The following LHFPL3 variants were observed in gnomAD, a reference collection of about 807,000 sequenced individuals.
LHFPL3 encodes LHFPL tetraspan subfamily member 3 protein.
Under a neutral mutation model 19.3 loss-of-function variants are expected in LHFPL3, and 5 were observed. That is an observed-to-expected ratio of 0.26 (90% CI 0.14 to 0.54). The LOEUF is 0.54. LHFPL3 is among the 20% of genes least tolerant of loss of function. The pLI is 0.94. For missense variants in LHFPL3, 249 were observed against 307.4 expected (o/e 0.81, Z 1.42); for synonymous variants, 133 against 126.2 (o/e 1.05, Z -0.36).
intron 1 of LHFPL3, among the ~76,000 whole-genome samples, chr7:104,667,265 G>GTGGC (rs1554422208): frequency 1.2e-4 from 6 of 52,090 alleles, no homozygotes; most frequent in Admixed American, 8.5e-4. Context: ...CTGTTTTCTT[G>GTGGC]GGGGGGGGAA....
At chr7:104,380,264 A>G (rs1790802269) in intron 1 of LHFPL3, among the ~76,000 whole-genome samples, 1 of 152,200 alleles carries the variant, frequency 6.6e-6, no homozygotes, top group African/African-American at 2.4e-5. Context: ...TTAATAAATA[A>G]TAATTTCTTT....
At chr7:104,586,303 A>C (rs1790575587) in intron 1 of LHFPL3, among the ~76,000 whole-genome samples, 1 of 152,108 alleles carries the variant, frequency 6.6e-6, no homozygotes, top group African/African-American at 2.4e-5. Flanking sequence ...ATTTCTTCTT[A>C]TATACCAGCT....
At chr7:104,754,733 G>C (rs946041664) in intron 2 of LHFPL3, among the ~76,000 whole-genome samples, 1 of 152,202 alleles carries the variant, frequency 6.6e-6, no homozygotes, top group African/African-American at 2.4e-5. Flanking sequence ...TAGGAAATAA[G>C]GGTTGGGAAA....
chr7:104,842,981 A>G (rs1303629290), intron 2 of LHFPL3, among the ~76,000 whole-genome samples: 1 of 152,234 alleles, frequency 6.6e-6, no homozygotes, highest in Non-Finnish European at 1.5e-5. Flanking sequence ...GAGCATGAGC[A>G]CTATAATCTG....
At chr7:104,387,634 G>A (rs1399733261) in intron 1 of LHFPL3, among the ~76,000 whole-genome samples, 1 of 152,016 alleles carries the variant, frequency 6.6e-6, no homozygotes, top group East Asian at 1.9e-4. Flanking sequence ...GAGAGAAAAG[G>A]GCAGCAAGAA....
intron 1 of LHFPL3, among the ~76,000 whole-genome samples, chr7:104,587,654 CAAA>C (rs1790608974): frequency 6.6e-6 from 1 of 152,020 alleles, no homozygotes; most frequent in South Asian, 2.1e-4. Flanking sequence ...ATGGCTGGGT[CAAA>C]TGGTATTTCT....
chr7:104,409,622 A>G (rs1214303405), intron 1 of LHFPL3, among the ~76,000 whole-genome samples: 2 of 152,174 alleles, frequency 1.3e-5, no homozygotes, highest in African/African-American at 4.8e-5. Context: ...CCAAAAAAGA[A>G]TAAGTAAATA....
At chr7:104,825,974 C>T (rs1790811080) in intron 2 of LHFPL3, among the ~76,000 whole-genome samples, 1 of 151,890 alleles carries the variant, frequency 6.6e-6, no homozygotes, top group Non-Finnish European at 1.5e-5. Context: ...TAGCTGGACA[C>T]ATTGCCGCCC....
chr7:104,830,675 C>T (rs911170026), intron 2 of LHFPL3, among the ~76,000 whole-genome samples: 2 of 151,920 alleles, frequency 1.3e-5, no homozygotes, highest in Non-Finnish European at 2.9e-5. Flanking sequence ...GGGCTCTGTT[C>T]TGTTCCATTA....
At chr7:104,864,492 C>A (rs962727783) in intron 2 of LHFPL3, among the ~76,000 whole-genome samples, 3 of 152,206 alleles carry the variant, frequency 2.0e-5, no homozygotes, top group African/African-American at 4.8e-5. Flanking sequence ...CTTGGAGAGT[C>A]CTACGCCCAA....
At chr7:104,668,506 G>T in intron 1 of LHFPL3, 1 of 1,613,118 alleles carries the variant, frequency 6.2e-7, no homozygotes, top group Non-Finnish European at 8.5e-7. Flanking sequence ...GGCCGGGATC[G>T]CTATGATGAC....
chr7:104,602,007 TTC>T (rs1166690220), intron 1 of LHFPL3, among the ~76,000 whole-genome samples: 3 of 140,038 alleles, frequency 2.1e-5, no homozygotes, highest in Non-Finnish European at 4.5e-5. Context: ...GCAATTTATT[TTC>T]TTTTTCTTTT....
At chr7:104,569,022 G>C (rs1460580826) in intron 1 of LHFPL3, among the ~76,000 whole-genome samples, 1 of 152,078 alleles carries the variant, frequency 6.6e-6, no homozygotes, top group Non-Finnish European at 1.5e-5. Context: ...TGTGGTGATT[G>C]GTCTTCATTA....
intron 1 of LHFPL3, among the ~76,000 whole-genome samples, chr7:104,430,390 A>ATG (rs1791945886): frequency 5.0e-5 from 3 of 59,466 alleles, no homozygotes; most frequent in African/African-American, 6.9e-5. Flanking sequence ...ATACATATAT[A>ATG]TATATATATA....
intron 2 of LHFPL3, among the ~76,000 whole-genome samples, chr7:104,815,089 C>A (rs1790539700): frequency 6.6e-6 from 1 of 152,148 alleles, no homozygotes; most frequent in Non-Finnish European, 1.5e-5. Context: ...GGGACTCCCG[C>A]CTGCCCCCCA....
intron 2 of LHFPL3, among the ~76,000 whole-genome samples, chr7:104,810,655 C>A (rs1790446553): frequency 6.6e-6 from 1 of 152,108 alleles, no homozygotes; most frequent in Admixed American, 6.5e-5. Flanking sequence ...CAAACAGGCA[C>A]ATGTTCAGAA....
intron 1 of LHFPL3, among the ~76,000 whole-genome samples, chr7:104,359,545 C>T (rs1433485272): frequency 6.6e-6 from 1 of 152,138 alleles, no homozygotes; most frequent in Non-Finnish European, 1.5e-5. Context: ...CTAACTTAGC[C>T]AATTCATATA....
At chr7:104,878,991 G>A (rs368571571) in intron 2 of LHFPL3, among the ~76,000 whole-genome samples, 6 of 152,302 alleles carry the variant, frequency 3.9e-5, no homozygotes, top group South Asian at 2.1e-4. Context: ...AAGCCTAGTC[G>A]AGAGCAAAGC....
Position 104,328,705 on chromosome 7 carries a change from T to C in LHFPL3, c.-75T>C. 7.5e-7 allele frequency: 1 copy of C among 1,331,878 alleles called. No homozygotes were observed. Among genetic ancestry groups the C allele is most frequent in the Non-Finnish European group, 1.0e-6 (1 of 968,118 alleles). The allele number at this position is 1,331,878 out of a possible 1,614,324, so 82.5% of individuals were successfully genotyped here. On this transcript the variant is annotated 5_prime_UTR_variant, in exon 1 of 3. Transcript: ENST00000424859. The surrounding 1 kb of genome is among the most constrained non-coding windows in gnomAD (Gnocchi z 4.6). Reference sequence around the variant, plus strand: ...GTTGCAGCGCGCGAGGCTCCGTGAGTGTGTCTCCTGCGCGCTGAGAGGCGG... The same window carrying C: ...GTTGCAGCGCGCGAGGCTCCGTGAGCGTGTCTCCTGCGCGCTGAGAGGCGG...
Sources: allele counts gnomAD v4.1 joint callset (sites outside exome capture counted in the v4.1 genomes callset), GRCh38; gene constraint gnomAD v4.1.1; non-coding constraint Gnocchi (gnomAD v3.1); transcripts MANE v1.5; gene names NCBI Gene and HGNC (gene_info 2026-07-23, HGNC 2026-07-21).